The following SCHIP1 variants were observed in gnomAD, a reference collection of about 807,000 sequenced individuals.
SCHIP1 encodes the protein schwannomin-interacting protein 1.
Under a neutral mutation model 29.7 loss-of-function variants are expected in SCHIP1, and 8 were observed. That is an observed-to-expected ratio of 0.27 (90% CI 0.16 to 0.49). SCHIP1 has a LOEUF of 0.49. Ranked by LOEUF, SCHIP1 falls within the 20% of genes least tolerant of loss-of-function variation. The probability of loss-of-function intolerance (pLI) is 0.99; values close to 1 mark genes in which losing one functional copy is unlikely to be tolerated. For synonymous variants in SCHIP1, 76 were observed against 94.9 expected (o/e 0.80, Z 1.16); for missense variants, 193 against 294.6 (o/e 0.66, Z 2.52).
the SCHIP1 span, among the ~76,000 whole-genome samples, chr3:159,334,868 A>G: frequency 2.6e-5 from 4 of 151,324 alleles, no homozygotes; most frequent in East Asian, 3.9e-4. Context: ...TTTTATGTAG[A>G]CATAAGTTTT....
At chr3:159,386,855 A>AGTCTCT in the SCHIP1 span, 5 of 153,518 alleles carry the variant, frequency 3.3e-5, no homozygotes, top group African/African-American at 1.2e-4. Context: ...ACTTGGCAAC[A>AGTCTCT]GTCTCTTTCC....
At chr3:159,753,749 G>C in the SCHIP1 span, among the ~76,000 whole-genome samples, 1 of 152,136 alleles carries the variant, frequency 6.6e-6, no homozygotes, top group Non-Finnish European at 1.5e-5. Flanking sequence ...AAAGATCTTA[G>C]TTGCAACCCC....
chr3:159,892,390 T>TC (rs774740527), intron 6 of SCHIP1, 200 bp downstream of exon 7: 14 of 621,988 alleles, frequency 2.3e-5, no homozygotes, highest in Non-Finnish European at 1.4e-5. Context: ...TTAGCAACCA[T>TC]CCCCCCCTTG....
At chr3:159,303,096 A>C in the SCHIP1 span, among the ~76,000 whole-genome samples, 1 of 152,126 alleles carries the variant, frequency 6.6e-6, no homozygotes, top group Non-Finnish European at 1.5e-5. Flanking sequence ...AAACCCAGAA[A>C]GTTTGGTTTT....
chr3:159,299,967 C>A, the SCHIP1 span, among the ~76,000 whole-genome samples: 1 of 152,038 alleles, frequency 6.6e-6, no homozygotes, highest in Non-Finnish European at 1.5e-5. Flanking sequence ...CAGAGTAAAG[C>A]AAGACCTTGG....
the SCHIP1 span, among the ~76,000 whole-genome samples, chr3:159,414,345 G>A: frequency 7.2e-5 from 11 of 152,096 alleles, no homozygotes; most frequent in South Asian, 4.2e-4. Context: ...GAGTTGACCC[G>A]GTAAGCATTA....
the SCHIP1 span, among the ~76,000 whole-genome samples, chr3:159,563,551 A>G: frequency 1.3e-5 from 2 of 152,148 alleles, no homozygotes; most frequent in African/African-American, 4.8e-5. Context: ...AAAGGAGGCC[A>G]GGTGTGGTGG....
chr3:159,383,131 T>G, the SCHIP1 span, among the ~76,000 whole-genome samples: 1 of 150,508 alleles, frequency 6.6e-6, no homozygotes, highest in Admixed American at 6.7e-5. Context: ...ATTTGTCAAT[T>G]TTGGCTTTTG....
At chr3:159,446,895 A>C in the SCHIP1 span, among the ~76,000 whole-genome samples, 2 of 152,208 alleles carry the variant, frequency 1.3e-5, no homozygotes. Context: ...TGGGTTCTCC[A>C]TGGTTCTCTA....
At chr3:159,294,169 T>C in the SCHIP1 span, among the ~76,000 whole-genome samples, 2 of 152,204 alleles carry the variant, frequency 1.3e-5, no homozygotes, top group South Asian at 4.1e-4. Context: ...GAAACTGCTA[T>C]TCTAGTATGA....
the SCHIP1 span, among the ~76,000 whole-genome samples, chr3:159,285,453 C>G: frequency 1.3e-5 from 2 of 152,058 alleles, no homozygotes; most frequent in African/African-American, 4.8e-5. Context: ...CAGTATGTAG[C>G]TGAATTTTGT....
exon 1 of SCHIP1, chr3:159,839,883 A>G: frequency 7.2e-7 from 1 of 1,389,032 alleles, no homozygotes; most frequent in Non-Finnish European, 9.3e-7. Context: ...CTATAATATA[A>G]TTGGCTGATT....
At chr3:159,786,138 C>CAGGAAATA in the SCHIP1 span, among the ~76,000 whole-genome samples, 1 of 152,158 alleles carries the variant, frequency 6.6e-6, no homozygotes, top group Non-Finnish European at 1.5e-5. Flanking sequence ...TTAAACCCTG[C>CAGGAAATA]AGGAAATACC....
the SCHIP1 span, among the ~76,000 whole-genome samples, chr3:159,613,456 T>C: frequency 2.0e-5 from 3 of 152,218 alleles, no homozygotes; most frequent in Non-Finnish European, 4.4e-5. Context: ...TTGTCAAAAT[T>C]TGTTTTCTCT....
At chr3:159,557,479 A>G in the SCHIP1 span, among the ~76,000 whole-genome samples, 1 of 152,194 alleles carries the variant, frequency 6.6e-6, no homozygotes, top group South Asian at 2.1e-4. Context: ...TCGGAAAACA[A>G]TAATGTTACT....
the SCHIP1 span, among the ~76,000 whole-genome samples, chr3:159,402,792 G>A: frequency 6.6e-6 from 1 of 152,084 alleles, no homozygotes; most frequent in Non-Finnish European, 1.5e-5. Context: ...TGGGTGGGGG[G>A]AGCAGGGAGG....
chr3:159,354,810 C>T, the SCHIP1 span, among the ~76,000 whole-genome samples: 2 of 152,044 alleles, frequency 1.3e-5, no homozygotes, highest in Admixed American at 6.6e-5. Flanking sequence ...TGTTTCACAT[C>T]GAGGACTAGA....
the SCHIP1 span, among the ~76,000 whole-genome samples, chr3:159,522,285 G>T: frequency 3.9e-5 from 6 of 152,182 alleles, no homozygotes; most frequent in Admixed American, 3.3e-4. Context: ...GCCTAAGGTT[G>T]TATTTTAGTA....
the SCHIP1 span, among the ~76,000 whole-genome samples, chr3:159,307,493 C>G: frequency 5.9e-5 from 9 of 152,086 alleles, no homozygotes; most frequent in African/African-American, 1.2e-4. Context: ...ATAATTGATG[C>G]CTTTGGGTAG....
Sources: allele counts gnomAD v4.1 joint callset (sites outside exome capture counted in the v4.1 genomes callset), GRCh38; gene constraint gnomAD v4.1.1; transcripts MANE v1.5; gene names NCBI Gene and HGNC (gene_info 2026-07-23, HGNC 2026-07-21).